ACSL4: variants seen among roughly 807,000 people sequenced by gnomAD.
ACSL4 encodes acyl-CoA synthetase long chain family member 4.
ACSL4 carries 9 observed loss-of-function variants against 49.1 expected under a neutral mutation model. The ratio of observed to expected loss-of-function variants is 0.18; its 90% confidence interval spans 0.11 to 0.32. The LOEUF (loss-of-function observed/expected upper bound fraction) is 0.32. Ranked by LOEUF, ACSL4 falls within the 10% of genes least tolerant of loss-of-function variation. The probability of loss-of-function intolerance (pLI) is 1.00; values close to 1 mark genes in which losing one functional copy is unlikely to be tolerated. For synonymous variants in ACSL4, 191 were observed against 170.3 expected, an observed-to-expected ratio of 1.12 and a Z score of -0.95; for missense variants, 333 against 493.7, an observed-to-expected ratio of 0.67 and a Z score of 3.08.
chrX:109,665,562 T>C, intron 11 of ACSL4, 68 bp from the exon 12 acceptor site: 2 of 919,979 alleles, frequency 2.2e-6, no homozygotes, highest in African/African-American at 3.8e-5. Context: ...GCACTGGGAA[T>C]ATTAGAGTTA....
chrX:109,686,727 C>T (rs1203662844), intron 2 of ACSL4, among the ~76,000 whole-genome samples: 1 of 110,335 alleles, frequency 9.1e-6, no homozygotes, highest in African/African-American at 3.3e-5. Context: ...AAGAGAAATG[C>T]TTTCTAGGTA....
intron 15 of ACSL4, among the ~76,000 whole-genome samples, chrX:109,647,585 T>C (rs1288643021): frequency 9.0e-6 from 1 of 111,440 alleles, no homozygotes; most frequent in African/African-American, 3.3e-5. Context: ...AGATCTAAAA[T>C]TGACACCCTA....
At chrX:109,698,167 T>A (rs1010582092) in intron 1 of ACSL4, among the ~76,000 whole-genome samples, 6 of 111,119 alleles carry the variant, frequency 5.4e-5, no homozygotes, top group African/African-American at 2.0e-4. Context: ...GAAGTAATTT[T>A]TCTCAATGCC....
At chrX:109,674,509 C>A (rs748919766) in intron 8 of ACSL4, 36 bp from the exon 9 acceptor site, 1 of 1,019,610 alleles carries the variant, frequency 9.8e-7, no homozygotes, top group Admixed American at 2.2e-5. Flanking sequence ...ATCAGGAAAA[C>A]CAACCTTAAA....
chrX:109,720,287 G>A (rs1426818863), intron 1 of ACSL4, among the ~76,000 whole-genome samples: 2 of 109,081 alleles, frequency 1.8e-5, no homozygotes, highest in East Asian at 2.9e-4. Flanking sequence ...CCGAGATCAC[G>A]CCACTGCACT....
intron 1 of ACSL4, among the ~76,000 whole-genome samples, chrX:109,702,830 C>A (rs1290031138): frequency 9.0e-6 from 1 of 111,410 alleles, no homozygotes. Context: ...TAGATTATAT[C>A]CCACAGAGTA....
intron 1 of ACSL4, among the ~76,000 whole-genome samples, chrX:109,718,751 G>GA (rs1228132229): frequency 3.9e-3 from 188 of 48,045 alleles, no homozygotes; most frequent in African/African-American, 0.011. Context: ...CCTGTCTCAA[G>GA]AAAAAAAAAA....
intron 4 of ACSL4, among the ~76,000 whole-genome samples, chrX:109,682,068 TG>T (rs1924206526): frequency 8.9e-6 from 1 of 112,051 alleles, no homozygotes; most frequent in Non-Finnish European, 1.9e-5. Context: ...TCGTTGAAAG[TG>T]GGTAATGGGT....
intron 2 of ACSL4, among the ~76,000 whole-genome samples, chrX:109,693,626 C>T (rs1475330233): frequency 8.9e-6 from 1 of 112,090 alleles, no homozygotes; most frequent in African/African-American, 3.2e-5. Context: ...CTGTTCTCTC[C>T]CTCCACATTC....
In ACSL4 at chrX:109,683,236, T is replaced by C; in HGVS notation, c.128A>G (p.Asp43Gly). The change falls in exon 3 of 16, where the codon GAC (aspartate) becomes GGC (glycine). Residue 43 changes from aspartate to glycine, a missense_variant. Asp to Gly is a moderately conservative substitution (Grantham distance 94). Transcript: ENST00000672401. ...PGADTLDKLF[D>G]HAVSKFGKKD... is the part of the protein sequence containing the mutation. ...CTTCCCAAACTTGGATACAGCATGGTCAAATAATTTATCCAGAGTATCTGC... is the reference window on the plus strand; with the variant it reads ...CTTCCCAAACTTGGATACAGCATGGCCAAATAATTTATCCAGAGTATCTGC... 1 of 1,211,876 alleles carries C rather than the reference T, an allele frequency of 8.3e-7. No individual in the cohort carries two copies. The highest frequency in any genetic ancestry group is 2.2e-5 in the Admixed American group (1 of 46,064).
intron 2 of ACSL4, among the ~76,000 whole-genome samples, chrX:109,690,061 C>G (rs781277208): frequency 1.8e-5 from 2 of 112,462 alleles, no homozygotes; most frequent in Non-Finnish European, 3.8e-5. Context: ...AAATACTATA[C>G]TCTTAAAATC....
chrX:109,731,597 C>T (rs1326611306), intron 1 of ACSL4, among the ~76,000 whole-genome samples: 1 of 106,223 alleles, frequency 9.4e-6, no homozygotes, highest in African/African-American at 3.4e-5. Flanking sequence ...AAAAAACCCA[C>T]AAAATTGAAT....
intron 11 of ACSL4, among the ~76,000 whole-genome samples, chrX:109,667,617 C>T (rs1379414090): frequency 1.8e-5 from 2 of 112,115 alleles, no homozygotes; most frequent in African/African-American, 3.2e-5. Context: ...ATAAGGCGAC[C>T]GGGCGTGGTG....
intron 9 of ACSL4, among the ~76,000 whole-genome samples, chrX:109,672,027 A>G (rs1210257729): frequency 1.0e-5 from 1 of 98,612 alleles, no homozygotes; most frequent in Non-Finnish European, 2.0e-5. Context: ...TTGTCCTATG[A>G]CCCTGCCAAA....
chrX:109,676,945 T>A (rs12156713), intron 8 of ACSL4, among the ~76,000 whole-genome samples: 3 of 111,685 alleles, frequency 2.7e-5, no homozygotes, highest in Admixed American at 1.9e-4. Flanking sequence ...AATAAAAAAA[T>A]TTTTTTCAAT....
intron 1 of ACSL4, among the ~76,000 whole-genome samples, chrX:109,706,873 C>T (rs1026674107): frequency 4.5e-5 from 5 of 112,199 alleles, no homozygotes; most frequent in African/African-American, 1.3e-4. Flanking sequence ...GTGTTCTTAA[C>T]CAGAAAGTAC....
intron 1 of ACSL4, among the ~76,000 whole-genome samples, chrX:109,730,953 A>C (rs1437094752): frequency 8.9e-6 from 1 of 112,045 alleles, no homozygotes; most frequent in Non-Finnish European, 1.9e-5. Flanking sequence ...GGCGTGAGCC[A>C]CCACACCCAG....
chrX:109,674,475 T>TA lies in ACSL4; in HGVS notation c.931-3dup. ...GCTTCCTTTTTTAATTTTGCTGGAC[T>TA]ATATTAAAGAAAAAATAAATATGAT... On this transcript the variant is annotated splice_region_variant and splice_polypyrimidine_tract_variant and intron_variant, in intron 8 of 15. Coordinates refer to ENST00000672401, the MANE Select transcript of ACSL4 (RefSeq NM_001318510.2). 8.5e-7 allele frequency: 1 copy of TA among 1,176,122 alleles called. No individual in the cohort carries two copies. The highest frequency in any genetic ancestry group is 1.8e-5 in the South Asian group (1 of 55,413).
Position 109,641,980 on chromosome X carries a change from T to C in ACSL4, c.*2049A>G, listed in dbSNP as rs186824192. The C allele has an allele frequency of 2.7e-5, 3 of 112,320 alleles. No homozygotes were observed. Among genetic ancestry groups the C allele is most frequent in the African/African-American group, 6.5e-5 (2 of 30,920 alleles). The allele number at this position is 112,320 out of a possible 1,213,427, so 9.3% of individuals were successfully genotyped here. A position where few individuals can be genotyped will look rare whatever the true frequency, so the allele number is the denominator to read the frequency against. On this transcript the variant is annotated 3_prime_UTR_variant, in exon 16 of 16. Transcript: ENST00000672401. The stretch of plus-strand genomic sequence containing the variant: ...TTGTTTACATAAACATGTATATTTT[T>C]AGATGGAAAATCAAGGGGTAGTGGC...
Sources: allele counts gnomAD v4.1 joint callset (sites outside exome capture counted in the v4.1 genomes callset), GRCh38; gene constraint gnomAD v4.1.1; transcripts MANE v1.5; gene names NCBI Gene and HGNC (gene_info 2026-07-23, HGNC 2026-07-21).